Variants in RBPJ observed in about 807,000 individuals in gnomAD.
The protein encoded by RBPJ is recombining binding protein suppressor of hairless.
A neutral mutation model predicts 67.8 loss-of-function variants in RBPJ; 9 were observed. The observed-to-expected ratio is 0.13, with a 90% CI of 0.08 to 0.23. The LOEUF is 0.23. RBPJ is among the 10% of genes least tolerant of loss of function. The pLI is 1.00. For missense variants in RBPJ, 305 were observed against 595.6 expected (o/e 0.51, Z 5.08); for synonymous variants, 198 against 203.3 (o/e 0.97, Z 0.22).
Position 26,430,837 on chromosome 4 carries a change from A to G in RBPJ, c.1294A>G (p.Thr432Ala), listed in dbSNP as rs780020848. ...IYSTSLTFTY[T>A]PEPGPRPHCS... ...TTCCACCAGCCTTACCTTTACCTACACACCAGAACCAGGGCCGCGGCCACA... is the reference window on the plus strand; with the variant it reads ...TTCCACCAGCCTTACCTTTACCTACGCACCAGAACCAGGGCCGCGGCCACA... Residue 432 changes from threonine (T) to alanine (A), a missense_variant, in exon 11 of 11, where the codon ACA becomes GCA. By Grantham distance (58) the Thr-to-Ala change is moderately conservative (BLOSUM62 0). Coordinates refer to ENST00000355476, the MANE Select transcript of RBPJ (RefSeq NM_015874.6). The surrounding 1 kb of genome is among the most constrained non-coding windows in gnomAD (Gnocchi z 4.1). 3 of 1,613,980 alleles carry G rather than the reference A, an allele frequency of 1.9e-6. No individual in the cohort carries two copies. Among genetic ancestry groups the G allele is most frequent in the Non-Finnish European group, 8.5e-7 (1 of 1,180,004 alleles).
intron 1 of RBPJ, among the ~76,000 whole-genome samples, chr4:26,325,005 C>T (rs1299595650): frequency 1.3e-5 from 2 of 152,270 alleles, no homozygotes; most frequent in African/African-American, 4.8e-5. Context: ...TGACTCTTGG[C>T]CTTAGAAAAG....
chr4:26,193,463 C>T (rs187692286), intron 1 of RBPJ, among the ~76,000 whole-genome samples: 1 of 151,814 alleles, frequency 6.6e-6, no homozygotes, highest in Admixed American at 6.6e-5. Flanking sequence ...TGAAAATTTC[C>T]CCTTTCTTCT....
At chr4:26,199,648 GTTTC>G (rs1717912585) in intron 1 of RBPJ, among the ~76,000 whole-genome samples, 1 of 152,158 alleles carries the variant, frequency 6.6e-6, no homozygotes, top group African/African-American at 2.4e-5. Flanking sequence ...GAAATTTTAA[GTTTC>G]TTTATCACAG....
At position 26,239,611 on chromosome 4, in the gene RBPJ, G is replaced by A. The variant is rs1286250017; in HGVS notation, c.-167+75997G>A. Among the ~76,000 whole-genome samples, 41 of 152,016 alleles carry A rather than the reference G, an allele frequency of 2.7e-4. 1 individual carries two copies. On this transcript the variant is annotated intron_variant, in intron 1 of 4. Coordinates refer to the RBPJ transcript ENST00000512351. ...TGTACTAAAAGCAAATGTCAACCAAGGATCCCAGGATACATTTTCAGAGCA... is the reference window on the plus strand; with the variant it reads ...TGTACTAAAAGCAAATGTCAACCAAAGATCCCAGGATACATTTTCAGAGCA...
At chr4:26,126,091 C>T in the RBPJ span, among the ~76,000 whole-genome samples, 1 of 152,198 alleles carries the variant, frequency 6.6e-6, no homozygotes, top group Non-Finnish European at 1.5e-5. Flanking sequence ...TCTTTGCATT[C>T]CTGAAGGAGC....
intron 1 of RBPJ, among the ~76,000 whole-genome samples, chr4:26,173,431 C>T (rs954586078): frequency 5.9e-5 from 9 of 152,142 alleles, no homozygotes; most frequent in African/African-American, 1.7e-4. Flanking sequence ...CCACTGCGCC[C>T]GGCTTGCAGT....
chr4:26,373,935 TG>T (rs1729433314), intron 1 of RBPJ, among the ~76,000 whole-genome samples: 3 of 149,352 alleles, frequency 2.0e-5, no homozygotes, highest in Non-Finnish European at 4.5e-5. Context: ...TTTTTTTTTT[TG>T]GAGATGGAGT....
At chr4:26,395,065 A>G (rs987396031) in intron 2 of RBPJ, among the ~76,000 whole-genome samples, 5 of 152,124 alleles carry the variant, frequency 3.3e-5, no homozygotes, top group African/African-American at 9.7e-5. Flanking sequence ...CATTGTGGCC[A>G]TGGTCAGATA....
intron 7 of RBPJ, among the ~76,000 whole-genome samples, chr4:26,425,648 A>G (rs993995807): frequency 2.0e-5 from 3 of 152,134 alleles, no homozygotes; most frequent in Admixed American, 6.6e-5. Flanking sequence ...TGTAAAAACT[A>G]CTTTTGTTAG....
chr4:26,185,491 T>C (rs1156251329), intron 1 of RBPJ, among the ~76,000 whole-genome samples: 3 of 152,190 alleles, frequency 2.0e-5, no homozygotes, highest in African/African-American at 7.2e-5. Flanking sequence ...TACGAGGTTG[T>C]ATGGAGAAGG....
At chr4:26,198,731 G>A (rs1717875080) in intron 1 of RBPJ, among the ~76,000 whole-genome samples, 1 of 152,142 alleles carries the variant, frequency 6.6e-6, no homozygotes. Flanking sequence ...CAGGCCACCA[G>A]CCTCTAGAGT....
chr4:26,250,706 C>T (rs988528036), intron 1 of RBPJ, among the ~76,000 whole-genome samples: 1 of 152,186 alleles, frequency 6.6e-6, no homozygotes, highest in Non-Finnish European at 1.5e-5. Context: ...TGTTGATAGA[C>T]ACTTAGGTTG....
chr4:26,413,246 G>C (rs1377226318), intron 3 of RBPJ, among the ~76,000 whole-genome samples: 1 of 152,166 alleles, frequency 6.6e-6, no homozygotes, highest in African/African-American at 2.4e-5. Context: ...CTGTGGAAAT[G>C]CTCTTGCCCC....
intron 1 of RBPJ, among the ~76,000 whole-genome samples, chr4:26,310,711 C>G (rs771728444): frequency 6.6e-6 from 1 of 150,434 alleles, no homozygotes; most frequent in Non-Finnish European, 1.5e-5. Context: ...GCTCTGTCAC[C>G]CAGGCTGGAG....
At chr4:26,422,822 C>G (rs1037766626) in intron 5 of RBPJ, among the ~76,000 whole-genome samples, 2 of 152,194 alleles carry the variant, frequency 1.3e-5, no homozygotes, top group African/African-American at 4.8e-5. Context: ...ACTCCAGCCC[C>G]ACTTTCTTCT....
chr4:26,111,426 G>T, the RBPJ span, among the ~76,000 whole-genome samples: 1 of 152,194 alleles, frequency 6.6e-6, no homozygotes, highest in Admixed American at 6.5e-5. Flanking sequence ...CTCTTCACTG[G>T]ACTCCTCATC....
chr4:26,399,690 T>C (rs1732561474), intron 2 of RBPJ, among the ~76,000 whole-genome samples: 1 of 148,994 alleles, frequency 6.7e-6, no homozygotes, highest in African/African-American at 2.4e-5. Context: ...TCTCCTTTTT[T>C]TGTTTTGTTT....
intron 1 of RBPJ, among the ~76,000 whole-genome samples, chr4:26,199,098 A>G (rs1020074441): frequency 6.6e-6 from 1 of 152,178 alleles, no homozygotes. Flanking sequence ...ATTCCTAGCA[A>G]GGAGAAATGC....
At chr4:26,385,403 A>G (rs968552248) in intron 1 of RBPJ, among the ~76,000 whole-genome samples, 2 of 152,140 alleles carry the variant, frequency 1.3e-5, no homozygotes, top group Non-Finnish European at 2.9e-5. Flanking sequence ...TGTCCTTTTT[A>G]CAGATGAGGA....
Sources: gnomAD v4.1 joint callset for allele counts (sites outside exome capture counted in the v4.1 genomes callset) on GRCh38, gnomAD v4.1.1 for gene constraint, Gnocchi (gnomAD v3.1) non-coding constraint, MANE v1.5 for transcripts, NCBI Gene and HGNC (gene_info 2026-07-23, HGNC 2026-07-21) for gene names.